The following LY6S variants were observed in gnomAD, a reference collection of about 807,000 sequenced individuals.
LY6S encodes the protein lymphocyte antigen 6 family member S.
chr8:143,045,150 C>A, the LY6S span, among the ~76,000 whole-genome samples: 7 of 152,146 alleles, frequency 4.6e-5, no homozygotes, highest in African/African-American at 7.2e-5. This position sits in a 1 kb window ranked among gnomAD's most constrained non-coding sequence, Gnocchi z 5.3. Flanking sequence ...CCTCTGCCAC[C>A]GGAACACCGA....
chr8:143,056,426 T>C, the LY6S span, among the ~76,000 whole-genome samples: 2 of 152,068 alleles, frequency 1.3e-5, no homozygotes, highest in Admixed American at 6.6e-5. Flanking sequence ...TATATGCTAA[T>C]TGATACATTT....
the LY6S span, chr8:143,054,301 C>CA: frequency 1.1e-5 from 1 of 90,942 alleles, no homozygotes; most frequent in Non-Finnish European, 2.2e-5. Flanking sequence ...TACACTCCAT[C>CA]CCAAAAAAAA....
At chr8:143,068,933 C>G in the LY6S span, among the ~76,000 whole-genome samples, 1 of 152,220 alleles carries the variant, frequency 6.6e-6, no homozygotes, top group Admixed American at 6.5e-5. Flanking sequence ...AAATGCTCCC[C>G]GCACCGCCCC....
chr8:143,053,244 C>G, the LY6S span: 1 of 152,278 alleles, frequency 6.6e-6, no homozygotes, highest in African/African-American at 2.4e-5. Flanking sequence ...GGAAGCCGCT[C>G]ATGACACCCG....
chr8:143,063,268 G>T, the LY6S span, among the ~76,000 whole-genome samples: 1 of 152,208 alleles, frequency 6.6e-6, no homozygotes, highest in African/African-American at 2.4e-5. Context: ...CTCTTACCCA[G>T]AGCAGTGCAA....
chr8:143,057,169 A>G, the LY6S span: 1 of 348,996 alleles, frequency 2.9e-6, no homozygotes, highest in Non-Finnish European at 5.7e-6. Flanking sequence ...TGTTTCCAAC[A>G]CCCCCTTTTT....
the LY6S span, among the ~76,000 whole-genome samples, chr8:143,056,337 T>G: frequency 6.6e-6 from 1 of 151,476 alleles, no homozygotes; most frequent in African/African-American, 2.4e-5. Flanking sequence ...ACTTATGATG[T>G]CAATTTCTGA....
the LY6S span, among the ~76,000 whole-genome samples, chr8:143,058,703 A>G: frequency 2.6e-5 from 4 of 152,378 alleles, no homozygotes; most frequent in African/African-American, 9.6e-5. Context: ...CCCTGGGGAA[A>G]GGGAGACTTC....
chr8:143,054,113 T>A, the LY6S span: 1 of 152,136 alleles, frequency 6.6e-6, no homozygotes, highest in Non-Finnish European at 1.5e-5. Flanking sequence ...AAGACCATCC[T>A]GGCTAACACA....
chr8:143,076,421 GACA>G, the LY6S span, among the ~76,000 whole-genome samples: 1 of 152,210 alleles, frequency 6.6e-6, no homozygotes, highest in Non-Finnish European at 1.5e-5. Flanking sequence ...CCCAGATTAA[GACA>G]GGGCAAGGAG....
At chr8:143,043,123 A>G in the LY6S span, 1 of 1,366,540 alleles carries the variant, frequency 7.3e-7, no homozygotes, top group Non-Finnish European at 9.8e-7. Context: ...AAAGGCCCTC[A>G]CAGCAGGGCC....
the LY6S span, chr8:143,049,409 G>A: frequency 3.2e-5 from 13 of 406,994 alleles, no homozygotes; most frequent in East Asian, 7.0e-5. Context: ...TCGCCATCCC[G>A]CAGCTCCGTC....
the LY6S span, among the ~76,000 whole-genome samples, chr8:143,068,709 GTTATGGTGATTT>G: frequency 6.6e-6 from 1 of 151,672 alleles, no homozygotes; most frequent in Non-Finnish European, 1.5e-5. Flanking sequence ...TATAGTGGTT[GTTATGGTGATTT>G]ATGCCAACAA....
chr8:143,060,173 G>A, the LY6S span, among the ~76,000 whole-genome samples: 1 of 151,708 alleles, frequency 6.6e-6, no homozygotes, highest in Non-Finnish European at 1.5e-5. Context: ...GGGCTCCTTG[G>A]TCTAGCGGTA....
chr8:143,047,301 G>A, the LY6S span, among the ~76,000 whole-genome samples: 3,060 of 151,802 alleles, frequency 0.02, 120 homozygotes, highest in African/African-American at 0.07. Flanking sequence ...CACCACGCCC[G>A]GCTTTTTTTT....
At chr8:143,061,501 TTTGGTTGG>T in the LY6S span, among the ~76,000 whole-genome samples, 14 of 148,878 alleles carry the variant, frequency 9.4e-5, no homozygotes, top group African/African-American at 2.8e-4. Context: ...GGTTTGTTTG[TTTGGTTGG>T]TTGGTTGGTT....
chr8:143,040,879 C>G, the LY6S span, among the ~76,000 whole-genome samples: 181 of 152,040 alleles, frequency 1.2e-3, 2 homozygotes, highest in African/African-American at 4.2e-3. Context: ...CATCACATGT[C>G]GGCAGGTTCC....
the LY6S span, among the ~76,000 whole-genome samples, chr8:143,049,747 G>T: frequency 1.3e-5 from 2 of 152,170 alleles, no homozygotes; most frequent in Non-Finnish European, 2.9e-5. Context: ...ATAGGGACTT[G>T]CCCAGCTGGA....
chr8:143,061,501 TTTGG>T, the LY6S span, among the ~76,000 whole-genome samples: 26,553 of 148,864 alleles, frequency 0.18, 2,787 homozygotes, highest in East Asian at 0.33. Context: ...GGTTTGTTTG[TTTGG>T]TTGGTTGGTT....
Sources: gnomAD v4.1 joint callset for allele counts (sites outside exome capture counted in the v4.1 genomes callset) on GRCh38, gnomAD v4.1.1 for gene constraint, Gnocchi (gnomAD v3.1) non-coding constraint, MANE v1.5 for transcripts, NCBI Gene and HGNC (gene_info 2026-07-23, HGNC 2026-07-21) for gene names.